NSMCE2: variants seen among roughly 807,000 people sequenced by gnomAD.
NSMCE2 encodes E3 SUMO-protein ligase NSE2.
NSMCE2 carries 24 observed loss-of-function variants against 23.8 expected under a neutral mutation model. The observed-to-expected ratio is 1.01, with a 90% CI of 0.73 to 1.42. NSMCE2 has a LOEUF of 1.42. Ranked by LOEUF, NSMCE2 falls within the 40% of genes most tolerant of loss-of-function variation. NSMCE2 has a pLI of 0.00. For synonymous variants in NSMCE2, 92 were observed against 94.1 expected (o/e 0.98, Z 0.13); for missense variants, 284 against 296.5 (o/e 0.96, Z 0.31).
chr8:125,187,080 A>G (rs1242938036), intron 5 of NSMCE2, among the ~76,000 whole-genome samples: 2 of 152,140 alleles, frequency 1.3e-5, no homozygotes, highest in Non-Finnish European at 2.9e-5. Flanking sequence ...TGCTAGCTCT[A>G]AAAGCTTTAG....
chr8:125,336,427 C>T (rs908355637), intron 5 of NSMCE2, among the ~76,000 whole-genome samples: 3 of 152,138 alleles, frequency 2.0e-5, no homozygotes, highest in Admixed American at 2.0e-4. Flanking sequence ...TGTCCCAGGT[C>T]TGACTCTGAA....
chr8:125,113,503 T>C (rs1311674889), intron 3 of NSMCE2, among the ~76,000 whole-genome samples: 1 of 152,054 alleles, frequency 6.6e-6, no homozygotes, highest in Admixed American at 6.6e-5. Context: ...AATAAAAATA[T>C]ATAGTTAAAT....
intron 5 of NSMCE2, among the ~76,000 whole-genome samples, chr8:125,210,594 C>G (rs1824287633): frequency 6.6e-6 from 1 of 152,176 alleles, no homozygotes; most frequent in African/African-American, 2.4e-5. Context: ...CTTTCTGGTC[C>G]ATCTTACCCT....
intron 5 of NSMCE2, among the ~76,000 whole-genome samples, chr8:125,355,074 C>T (rs2131361795): frequency 6.6e-6 from 1 of 152,310 alleles, no homozygotes; most frequent in Non-Finnish European, 1.5e-5. Flanking sequence ...TTTCATCATG[C>T]TTATGCAAAT....
intron 5 of NSMCE2, among the ~76,000 whole-genome samples, chr8:125,276,049 G>C (rs1409958192): frequency 6.6e-6 from 1 of 152,190 alleles, no homozygotes; most frequent in Non-Finnish European, 1.5e-5. Context: ...TGGGTCTTCT[G>C]TCCTGCTGTA....
At chr8:125,103,212 A>G (rs1336397129) in intron 3 of NSMCE2, among the ~76,000 whole-genome samples, 2 of 152,266 alleles carry the variant, frequency 1.3e-5, no homozygotes, top group Non-Finnish European at 2.9e-5. Context: ...AGGCTGAGAC[A>G]GGAGAATCAC....
chr8:125,110,759 G>GTTT (rs1387354813), intron 3 of NSMCE2, among the ~76,000 whole-genome samples: 42 of 58,100 alleles, frequency 7.2e-4, no homozygotes, highest in African/African-American at 2.9e-3. Flanking sequence ...TTTGGTTGTT[G>GTTT]TTGTTTTTTT....
At chr8:125,191,153 T>G (rs937490952) in intron 5 of NSMCE2, among the ~76,000 whole-genome samples, 1 of 152,208 alleles carries the variant, frequency 6.6e-6, no homozygotes, top group Admixed American at 6.5e-5. Flanking sequence ...ATTACAGGTG[T>G]GAGCCACCAT....
At chr8:125,155,399 A>G (rs1221953589) in intron 4 of NSMCE2, among the ~76,000 whole-genome samples, 2 of 152,174 alleles carry the variant, frequency 1.3e-5, no homozygotes, top group African/African-American at 4.8e-5. Context: ...CAATCCAAAG[A>G]CTTATTGTGA....
At chr8:125,194,856 AATTT>A (rs1328467957) in intron 5 of NSMCE2, among the ~76,000 whole-genome samples, 1 of 151,968 alleles carries the variant, frequency 6.6e-6, no homozygotes, top group Non-Finnish European at 1.5e-5. Context: ...TTGTGGTTTT[AATTT>A]ATGTTTTTCT....
intron 5 of NSMCE2, among the ~76,000 whole-genome samples, chr8:125,278,703 T>C (rs1332694651): frequency 1.3e-5 from 2 of 152,218 alleles, no homozygotes; most frequent in Admixed American, 6.5e-5. Context: ...TCTTTCTTTT[T>C]GTCTTTTGGA....
chr8:125,333,255 G>A (rs1458695466), intron 5 of NSMCE2, among the ~76,000 whole-genome samples: 2 of 149,424 alleles, frequency 1.3e-5, no homozygotes, highest in African/African-American at 2.5e-5. Flanking sequence ...CTGCAGCTTT[G>A]ACCTCCTGGG....
chr8:125,307,878 G>A (rs965841042), intron 5 of NSMCE2, among the ~76,000 whole-genome samples: 3 of 152,152 alleles, frequency 2.0e-5, no homozygotes, highest in Admixed American at 6.5e-5. Flanking sequence ...AGATGTGTTC[G>A]GCTTGACCCA....
intron 5 of NSMCE2, among the ~76,000 whole-genome samples, chr8:125,186,757 T>A (rs1823127938): frequency 1.3e-5 from 2 of 152,270 alleles, no homozygotes; most frequent in South Asian, 4.1e-4. Context: ...TAGGAAAGAA[T>A]GTGCTAAAAG....
intron 4 of NSMCE2, among the ~76,000 whole-genome samples, chr8:125,181,310 G>C (rs529509448): frequency 6.6e-4 from 100 of 152,208 alleles, no homozygotes; most frequent in African/African-American, 2.3e-3. Flanking sequence ...AAAGGTTCTT[G>C]AGAAAAGAGC....
chr8:125,133,210 T>C (rs1819862865), intron 3 of NSMCE2, among the ~76,000 whole-genome samples: 1 of 152,166 alleles, frequency 6.6e-6, no homozygotes, highest in African/African-American at 2.4e-5. Context: ...CTAGTAAATT[T>C]AGAAGGAATA....
intron 5 of NSMCE2, among the ~76,000 whole-genome samples, chr8:125,328,258 A>G (rs1829752206): frequency 6.6e-6 from 1 of 151,796 alleles, no homozygotes; most frequent in African/African-American, 2.4e-5. Context: ...AATCTTCATG[A>G]TGCCTCTGTC....
At chr8:125,105,381 G>C (rs1818411929) in intron 3 of NSMCE2, among the ~76,000 whole-genome samples, 1 of 152,042 alleles carries the variant, frequency 6.6e-6, no homozygotes, top group South Asian at 2.1e-4. Context: ...TAAGAGAGAA[G>C]ACTGGAACAT....
intron 3 of NSMCE2, among the ~76,000 whole-genome samples, chr8:125,114,550 T>C (rs1457536581): frequency 6.6e-6 from 1 of 152,180 alleles, no homozygotes; most frequent in African/African-American, 2.4e-5. Context: ...CAGTGGGTGA[T>C]TTTGCCCTCC....
Sources: gnomAD v4.1 joint callset for allele counts (sites outside exome capture counted in the v4.1 genomes callset) on GRCh38, gnomAD v4.1.1 for gene constraint, MANE v1.5 for transcripts, NCBI Gene and HGNC (gene_info 2026-07-23, HGNC 2026-07-21) for gene names.